Variants in BRINP3 observed in about 807,000 individuals in gnomAD.
BRINP3 encodes BMP/retinoic acid inducible neural specific 3.
Under a neutral mutation model 71.0 loss-of-function variants are expected in BRINP3, and 19 were observed. The observed-to-expected ratio is 0.27, with a 90% CI of 0.19 to 0.39. BRINP3 has a LOEUF of 0.39. BRINP3 is among the 10% of genes least tolerant of loss of function. BRINP3 has a pLI of 1.00. For synonymous variants in BRINP3, 380 were observed against 337.7 expected, an observed-to-expected ratio of 1.13 and a Z score of -1.37; for missense variants, 959 against 940.8, an observed-to-expected ratio of 1.02 and a Z score of -0.25.
intron 2 of BRINP3, among the ~76,000 whole-genome samples, chr1:190,374,587 A>G (rs911513850): frequency 6.6e-6 from 1 of 152,126 alleles, no homozygotes; most frequent in East Asian, 1.9e-4. Flanking sequence ...CAATCAAAGA[A>G]TTCAGTAAGG....
chr1:190,308,814 T>C (rs1553286280), intron 2 of BRINP3, among the ~76,000 whole-genome samples: 2 of 151,974 alleles, frequency 1.3e-5, no homozygotes, highest in Non-Finnish European at 2.9e-5. Context: ...AATGTATATA[T>C]GTTTATATGT....
chr1:190,243,945 A>G (rs1339860900), intron 4 of BRINP3, among the ~76,000 whole-genome samples: 1 of 152,074 alleles, frequency 6.6e-6, no homozygotes, highest in Non-Finnish European at 1.5e-5. Flanking sequence ...ATGCATTTCA[A>G]TCTCATTGCC....
At position 190,168,452 on chromosome 1, in the gene BRINP3, T is replaced by C. The variant is rs538340865; in HGVS notation, c.962-7562A>G. Among the ~76,000 whole-genome samples, 106 of 152,266 alleles carry C rather than the reference T, an allele frequency of 7.0e-4. 1 individual carries two copies. Among genetic ancestry groups the C allele is most frequent in the African/African-American group, 2.5e-3 (105 of 41,552 alleles). On this transcript the variant is annotated intron_variant, in intron 6 of 7. Coordinates refer to ENST00000367462, the MANE Select transcript of BRINP3 (RefSeq NM_199051.3). The stretch of plus-strand genomic sequence containing the variant: ...TTCTGGAAATCAGAGTGTGGTCTTA[T>C]AAAAATCCGGTAATAAATTCAATTT...
At chr1:190,272,025 A>G (rs1195301631) in intron 3 of BRINP3, among the ~76,000 whole-genome samples, 1 of 151,554 alleles carries the variant, frequency 6.6e-6, no homozygotes, top group African/African-American at 2.4e-5. Context: ...GCAATTAAAG[A>G]TGAACATAGT....
At chr1:190,423,819 A>C (rs924422172) in intron 2 of BRINP3, among the ~76,000 whole-genome samples, 15 of 151,694 alleles carry the variant, frequency 9.9e-5, no homozygotes, top group Non-Finnish European at 1.8e-4. Flanking sequence ...TATTTTTATC[A>C]TTATGACAGT....
chr1:190,428,028 G>A (rs1249113256), intron 2 of BRINP3, among the ~76,000 whole-genome samples: 1 of 151,794 alleles, frequency 6.6e-6, no homozygotes, highest in Non-Finnish European at 1.5e-5. Flanking sequence ...CTTTGCCAAG[G>A]ATAATGGCCT....
intron 1 of BRINP3, among the ~76,000 whole-genome samples, chr1:190,472,353 A>G (rs1324305890): frequency 1.3e-5 from 2 of 151,648 alleles, no homozygotes; most frequent in Non-Finnish European, 3.0e-5. Context: ...TTACGATGTG[A>G]AAGAAAAAAA....
chr1:190,419,237 A>C (rs1363682072), intron 2 of BRINP3, among the ~76,000 whole-genome samples: 3 of 152,066 alleles, frequency 2.0e-5, no homozygotes, highest in Non-Finnish European at 4.4e-5. Context: ...TAATCTAAAA[A>C]CTGAAGCTAA....
chr1:190,267,467 T>C (rs918990922), intron 3 of BRINP3, among the ~76,000 whole-genome samples: 2 of 152,062 alleles, frequency 1.3e-5, no homozygotes, highest in African/African-American at 4.8e-5. Context: ...GGAACACAGC[T>C]AAAGCACTGC....
chr1:190,171,122 A>G (rs1651971151), intron 6 of BRINP3, among the ~76,000 whole-genome samples: 1 of 152,150 alleles, frequency 6.6e-6, no homozygotes, highest in Non-Finnish European at 1.5e-5. Context: ...GGTGAGAGAT[A>G]ATCTCAGAGG....
intron 2 of BRINP3, among the ~76,000 whole-genome samples, chr1:190,344,005 C>A (rs1295405634): frequency 1.3e-5 from 2 of 151,576 alleles, no homozygotes; most frequent in Non-Finnish European, 3.0e-5. Context: ...CATGAGTAGA[C>A]CTAGTGCTCA....
intron 3 of BRINP3, among the ~76,000 whole-genome samples, chr1:190,274,457 T>C (rs1268784170): frequency 6.6e-6 from 1 of 151,588 alleles, no homozygotes; most frequent in East Asian, 1.9e-4. Context: ...CTGTTTTGCC[T>C]TGGAGTGATT....
intron 2 of BRINP3, among the ~76,000 whole-genome samples, chr1:190,369,434 G>T (rs752915404): frequency 5.9e-5 from 9 of 151,896 alleles, no homozygotes; most frequent in Admixed American, 1.3e-4. Context: ...TAATCAGGTT[G>T]TACAATTCAA....
intron 2 of BRINP3, among the ~76,000 whole-genome samples, chr1:190,359,176 A>T (rs772980606): frequency 1.1e-4 from 17 of 152,108 alleles, no homozygotes; most frequent in Non-Finnish European, 2.4e-4. Flanking sequence ...ATAAAAAAAT[A>T]AAAAATGATA....
intron 2 of BRINP3, among the ~76,000 whole-genome samples, chr1:190,341,703 CAA>C (rs1168485611): frequency 6.6e-6 from 1 of 151,472 alleles, no homozygotes; most frequent in Non-Finnish European, 1.5e-5. Flanking sequence ...GCAGAAATAT[CAA>C]AGTTCCATAG....
intron 2 of BRINP3, among the ~76,000 whole-genome samples, chr1:190,349,839 T>C (rs1283226852): frequency 6.6e-6 from 1 of 152,154 alleles, no homozygotes; most frequent in Non-Finnish European, 1.5e-5. Context: ...GTGCTTACCA[T>C]TAGATATGCC....
intron 4 of BRINP3, among the ~76,000 whole-genome samples, chr1:190,246,403 C>CAT (rs5779517): frequency 0.59 from 89,447 of 151,294 alleles, 26,621 homozygotes; most frequent in Admixed American, 0.69. Flanking sequence ...TGGGGTCATT[C>CAT]GGTTATAAAA....
intron 6 of BRINP3, among the ~76,000 whole-genome samples, chr1:190,209,049 T>G (rs1246402439): frequency 6.6e-6 from 1 of 152,096 alleles, no homozygotes; most frequent in Non-Finnish European, 1.5e-5. Flanking sequence ...AATTGGAAAA[T>G]ACAGTAAATA....
At chr1:190,114,526 CTGTGTGTGTGTG>C (rs34766118) in intron 7 of BRINP3, among the ~76,000 whole-genome samples, 2 of 143,132 alleles carry the variant, frequency 1.4e-5, no homozygotes, top group African/African-American at 5.1e-5. Context: ...AAGTTTGCCA[CTGTGTGTGTGTG>C]TGTGTGTGTG....
Sources: gnomAD v4.1 joint callset for allele counts (sites outside exome capture counted in the v4.1 genomes callset) on GRCh38, gnomAD v4.1.1 for gene constraint, MANE v1.5 for transcripts, NCBI Gene and HGNC (gene_info 2026-07-23, HGNC 2026-07-21) for gene names.